Variants in ADISSP observed in about 807,000 individuals in gnomAD.
ADISSP encodes the protein adipose-secreted signaling protein.
the ADISSP span, chr20:3,753,773 C>T: frequency 2.0e-6 from 1 of 500,426 alleles, no homozygotes; most frequent in South Asian, 2.1e-5. Flanking sequence ...GGGGGACCCA[C>T]CCCAGGCCCT....
At chr20:3,758,515 A>C in the ADISSP span, 1 of 1,604,300 alleles carries the variant, frequency 6.2e-7, no homozygotes, top group Non-Finnish European at 8.5e-7. This position sits in a 1 kb window ranked among gnomAD's most constrained non-coding sequence, Gnocchi z 5.5. Flanking sequence ...GAAGCTGCTG[A>C]TGGGGTAGGT....
the ADISSP span, chr20:3,754,621 G>T: frequency 8.0e-7 from 1 of 1,246,630 alleles, no homozygotes; most frequent in Non-Finnish European, 1.2e-6. Flanking sequence ...GGGACTGCAT[G>T]CTAAGCCCCC....
the ADISSP span, chr20:3,754,232 C>G: frequency 6.6e-7 from 1 of 1,505,704 alleles, no homozygotes; most frequent in Non-Finnish European, 9.2e-7. Context: ...GGGGACCCCT[C>G]CCCTTCCCTC....
chr20:3,764,177 A>G, the ADISSP span, among the ~76,000 whole-genome samples: 1 of 152,066 alleles, frequency 6.6e-6, no homozygotes, highest in African/African-American at 2.4e-5. Context: ...CTCAGAGTAT[A>G]TGACAAATGG....
the ADISSP span, among the ~76,000 whole-genome samples, chr20:3,757,788 T>C: frequency 2.1e-4 from 32 of 152,194 alleles, no homozygotes; most frequent in East Asian, 2.7e-3. Flanking sequence ...GCCACCACGC[T>C]CAGCTAACTT....
At chr20:3,762,197 G>A in the ADISSP span, among the ~76,000 whole-genome samples, 24,921 of 151,836 alleles carry the variant, frequency 0.16, 3,339 homozygotes, top group African/African-American at 0.36. Flanking sequence ...ACTTGAATCC[G>A]GAAGGCGGAG....
the ADISSP span, among the ~76,000 whole-genome samples, chr20:3,761,298 G>A: frequency 8.6e-5 from 13 of 151,856 alleles, no homozygotes; most frequent in African/African-American, 2.7e-4. Flanking sequence ...ACTCACAGGC[G>A]CCCAAGCGTC....
the ADISSP span, among the ~76,000 whole-genome samples, chr20:3,762,982 G>A: frequency 9.2e-5 from 14 of 152,282 alleles, no homozygotes; most frequent in South Asian, 1.5e-3. Flanking sequence ...GGTGCCGGGC[G>A]CTGCGGCTCA....
the ADISSP span, among the ~76,000 whole-genome samples, chr20:3,755,147 T>C: frequency 6.6e-6 from 1 of 152,126 alleles, no homozygotes; most frequent in Non-Finnish European, 1.5e-5. Context: ...CCAGCAGGTT[T>C]TTCTAGAGGG....
At chr20:3,756,386 A>G in the ADISSP span, among the ~76,000 whole-genome samples, 5 of 152,338 alleles carry the variant, frequency 3.3e-5, no homozygotes, top group Admixed American at 3.3e-4. Flanking sequence ...TGGAAACTCC[A>G]GTAGTATGAA....
At chr20:3,754,606 A>C in the ADISSP span, 27 of 1,343,310 alleles carry the variant, frequency 2.0e-5, no homozygotes, top group Non-Finnish European at 2.4e-5. Flanking sequence ...ACCCACCACC[A>C]TGGGGGGACT....
At chr20:3,756,222 T>A in the ADISSP span, among the ~76,000 whole-genome samples, 1 of 152,236 alleles carries the variant, frequency 6.6e-6, no homozygotes, top group Non-Finnish European at 1.5e-5. Context: ...GCCACTGAAC[T>A]GGGGCTCCTG....
the ADISSP span, chr20:3,754,133 C>T: frequency 6.2e-7 from 1 of 1,612,982 alleles, no homozygotes; most frequent in South Asian, 1.1e-5. Flanking sequence ...CACCATCCAG[C>T]AGCATGGGCG....
At chr20:3,757,152 C>T in the ADISSP span, among the ~76,000 whole-genome samples, 1 of 152,046 alleles carries the variant, frequency 6.6e-6, no homozygotes, top group African/African-American at 2.4e-5. Context: ...AGATCGAGAC[C>T]ATCCTGGCCA....
At chr20:3,764,577 TCTTTTTGGAATC>T in the ADISSP span, among the ~76,000 whole-genome samples, 1 of 152,200 alleles carries the variant, frequency 6.6e-6, no homozygotes, top group East Asian at 1.9e-4. Context: ...GGACTACAGC[TCTTTTTGGAATC>T]CCCTTTCTCA....
the ADISSP span, chr20:3,754,023 G>A: frequency 1.3e-6 from 2 of 1,525,570 alleles, no homozygotes; most frequent in African/African-American, 2.7e-5. Flanking sequence ...CGGGGTTTAA[G>A]GCTGAGGGGC....
At chr20:3,759,634 T>C in the ADISSP span, among the ~76,000 whole-genome samples, 7 of 152,160 alleles carry the variant, frequency 4.6e-5, no homozygotes, top group Non-Finnish European at 8.8e-5. This position sits in a 1 kb window ranked among gnomAD's most constrained non-coding sequence, Gnocchi z 4.6. Context: ...CCACAATCCC[T>C]GGTGAGCCCC....
the ADISSP span, among the ~76,000 whole-genome samples, chr20:3,757,352 G>GA: frequency 1.6e-4 from 23 of 147,304 alleles, no homozygotes; most frequent in African/African-American, 2.2e-4. Flanking sequence ...GTCTCAAAAA[G>GA]AAAAAAAAAA....
At chr20:3,765,170 C>T in the ADISSP span, among the ~76,000 whole-genome samples, 2 of 152,344 alleles carry the variant, frequency 1.3e-5, no homozygotes, top group South Asian at 2.1e-4. Context: ...ACCTGCTGGT[C>T]GCTGTCCTCG....
Sources: gnomAD v4.1 joint callset for allele counts (sites outside exome capture counted in the v4.1 genomes callset) on GRCh38, gnomAD v4.1.1 for gene constraint, Gnocchi (gnomAD v3.1) non-coding constraint, MANE v1.5 for transcripts, NCBI Gene and HGNC (gene_info 2026-07-23, HGNC 2026-07-21) for gene names.